Variants in DZANK1 observed in about 807,000 individuals in gnomAD.
DZANK1 encodes double zinc ribbon and ankyrin repeat domains 1.
In DZANK1, 91 loss-of-function variants were observed where a neutral mutation model predicts 94.5. The observed-to-expected ratio is 0.96, with a 90% CI of 0.81 to 1.15. The LOEUF is 1.15. Among genes scored for constraint, DZANK1 ranks in the 50% most tolerant of loss-of-function variants. The pLI, the probability that DZANK1 is intolerant of heterozygous loss-of-function variation, is 0.00. For synonymous variants in DZANK1, 312 were observed against 325.3 expected (o/e 0.96, Z 0.44); for missense variants, 903 against 916.4 (o/e 0.99, Z 0.19).
intron 8 of DZANK1, among the ~76,000 whole-genome samples, chr20:18,442,987 A>G (rs1292304703): frequency 1.3e-5 from 2 of 152,238 alleles, no homozygotes; most frequent in African/African-American, 4.8e-5. Flanking sequence ...AGATATATAG[A>G]GACATAAAGT....
intron 13 of DZANK1, among the ~76,000 whole-genome samples, chr20:18,409,947 C>T (rs1421360966): frequency 4.7e-5 from 7 of 148,394 alleles, no homozygotes; most frequent in Admixed American, 1.4e-4. Flanking sequence ...GCAGGAGAAT[C>T]GCTTGAACCC....
intron 13 of DZANK1, among the ~76,000 whole-genome samples, chr20:18,406,992 G>A (rs565210729): frequency 1.3e-5 from 2 of 152,274 alleles, no homozygotes; most frequent in South Asian, 4.1e-4. Flanking sequence ...GGAGGGAAGA[G>A]CAGGAAAGAC....
At chr20:18,454,661 C>A (rs1352673279) in intron 4 of DZANK1, 1 of 154,666 alleles carries the variant, frequency 6.5e-6, no homozygotes, top group African/African-American at 2.4e-5. Context: ...GAATTCTATG[C>A]CCACTGAGGA....
intron 8 of DZANK1, among the ~76,000 whole-genome samples, chr20:18,435,925 A>G (rs2058503116): frequency 6.6e-6 from 1 of 152,190 alleles, no homozygotes; most frequent in East Asian, 1.9e-4. Context: ...AGTAAACAAA[A>G]CACAAAACAA....
At chr20:18,398,689 T>C (rs1227271877) in intron 13 of DZANK1, 63 bp from the exon 14 acceptor site, 2 of 1,465,642 alleles carry the variant, frequency 1.4e-6, no homozygotes, top group African/African-American at 1.4e-5. Context: ...AGAAAAATGA[T>C]AGCATGGAAC....
chr20:18,426,323 G>T (rs2058042911), intron 10 of DZANK1, among the ~76,000 whole-genome samples: 2 of 152,136 alleles, frequency 1.3e-5, no homozygotes, highest in South Asian at 2.1e-4. Flanking sequence ...TGGAAAAATT[G>T]TCTTCTACAA....
chr20:18,384,335 A>G lies in DZANK1; in HGVS notation c.*64T>C, dbSNP rs972104392. 5.7e-5 allele frequency: 84 copies of G among 1,486,570 alleles called. No individual in the cohort carries two copies. The African/African-American group carries it at 9.5e-4, about 17-fold the overall frequency. The allele number at this position is 1,486,570 out of a possible 1,614,324, so 92.1% of individuals were successfully genotyped here. ...CAGCCTCCCAAAGTGCTGGGATTAC[A>G]GGCGTAAGCCACTGTGCCAGCCATG... On this transcript the variant is annotated 3_prime_UTR_variant, in exon 21 of 21. Transcript: ENST00000262547.
chr20:18,449,090 A>G (rs368700059), intron 6 of DZANK1, 21 bp from the exon 7 acceptor site: 1 of 1,594,268 alleles, frequency 6.3e-7, no homozygotes, highest in African/African-American at 1.3e-5. Context: ...GAATATAGGT[A>G]TAAAGACAGA....
rs74179199 is a variant in DZANK1, at chr20:18,419,890, C to CAA, written c.955-4443_955-4442dup. On this transcript the variant is annotated intron_variant, in intron 10 of 20. Coordinates refer to ENST00000262547, the Ensembl canonical transcript of DZANK1. ...GTAAAAATAAATATTGGTGTAAATA[C>CAA]AAAAAAAAAAACAAACAGCTTTATC... Among the ~76,000 whole-genome samples the CAA allele has an allele frequency of 4.4e-3, 548 of 124,854 alleles. 6 individuals are homozygous for CAA. The highest frequency in any genetic ancestry group is 0.011 in the African/African-American group (380 of 33,594). The allele number at this position is 124,854 out of a possible 152,430, so 81.9% of individuals were successfully genotyped here. A position where few individuals can be genotyped will look rare whatever the true frequency, so the allele number is the denominator to read the frequency against.
chr20:18,433,735 C>T, exon 9 of DZANK1: 1 of 1,614,010 alleles, frequency 6.2e-7, no homozygotes, highest in Non-Finnish European at 8.5e-7. Flanking sequence ...TTCATGGGTA[C>T]CAAGCTTCTG....
At chr20:18,455,430 G>T in intron 3 of DZANK1, 69 bp from the exon 4 acceptor site, 1 of 1,080,160 alleles carries the variant, frequency 9.3e-7, no homozygotes, top group Non-Finnish European at 1.4e-6. Flanking sequence ...TGGCTAACAA[G>T]ATGATTTTAT....
chr20:18,424,167 C>T lies in DZANK1; in HGVS notation c.954+2900G>A, dbSNP rs116271174. ...TCATGATTAAAATGATTGGTGATAC[C>T]GGCCGGGCGCGGTGGCTCATGCCTG... On this transcript the variant is annotated intron_variant, in intron 10 of 20. Coordinates refer to ENST00000262547, the Ensembl canonical transcript of DZANK1. Among the ~76,000 whole-genome samples, 724 of 152,010 alleles carry T rather than the reference C, an allele frequency of 4.8e-3. 7 individuals carry two copies. Among genetic ancestry groups the T allele is most frequent in the African/African-American group, 0.017 (691 of 41,472 alleles).
intron 15 of DZANK1, 107 bp from the exon 16 acceptor site, chr20:18,394,457 C>A (rs189856721): frequency 1.8e-6 from 2 of 1,088,310 alleles, no homozygotes; most frequent in African/African-American, 3.1e-5. Context: ...TACAGCTCTA[C>A]CTACCCAGAG....
At chr20:18,408,748 T>C (rs1200271385) in intron 13 of DZANK1, among the ~76,000 whole-genome samples, 128 of 152,334 alleles carry the variant, frequency 8.4e-4, no homozygotes, top group Non-Finnish European at 2.9e-5. Flanking sequence ...CCAGACTGTT[T>C]ACAAGAAATG....
intron 6 of DZANK1, 120 bp downstream of exon 6, chr20:18,452,495 A>T (rs776943704): frequency 1.3e-5 from 15 of 1,191,822 alleles, no homozygotes; most frequent in Non-Finnish European, 1.7e-5. Context: ...TATTCCCAGC[A>T]CTAGAACAGT....
chr20:18,429,951 C>T (rs907351594), intron 9 of DZANK1, among the ~76,000 whole-genome samples: 4 of 152,174 alleles, frequency 2.6e-5, no homozygotes, highest in Admixed American at 6.5e-5. Context: ...TGGCAAACAC[C>T]TATGATGAGA....
At chr20:18,409,737 C>A (rs1377020074) in intron 13 of DZANK1, among the ~76,000 whole-genome samples, 1 of 152,044 alleles carries the variant, frequency 6.6e-6, no homozygotes, top group Admixed American at 6.5e-5. Flanking sequence ...TGGCCTATAA[C>A]ATATAGAAAT....
chr20:18,448,328 A>T (rs1299299532), intron 7 of DZANK1, among the ~76,000 whole-genome samples: 2 of 152,188 alleles, frequency 1.3e-5, no homozygotes, highest in Non-Finnish European at 2.9e-5. Context: ...ATTGAATCAC[A>T]TGCAAGTTAA....
In DZANK1 at chr20:18,431,361, G is replaced by A. The variant is rs143257580; in HGVS notation, c.861+2291C>T. Among the ~76,000 whole-genome samples, 546 of 152,198 alleles carry A rather than the reference G, an allele frequency of 3.6e-3. 2 individuals are homozygous for A. The highest frequency in any genetic ancestry group is 0.012 in the African/African-American group (508 of 41,532). ...AGCGCAGATGGTGCTTTTGCACTCA[G>A]TGGAGTGAGCTAGAGACCAACGCAG... On this transcript the variant is annotated intron_variant, in intron 9 of 20. Coordinates refer to ENST00000262547, the Ensembl canonical transcript of DZANK1.
Sources: gnomAD v4.1 joint callset for allele counts (sites outside exome capture counted in the v4.1 genomes callset) on GRCh38, gnomAD v4.1.1 for gene constraint, MANE v1.5 for transcripts, NCBI Gene and HGNC (gene_info 2026-07-23, HGNC 2026-07-21) for gene names.